Variants in RESF1 observed in about 807,000 individuals in gnomAD.
RESF1 encodes the protein retroelement silencing factor 1.
Under a neutral mutation model 134.7 loss-of-function variants are expected in RESF1, and 65 were observed. The observed-to-expected ratio is 0.48, with a 90% CI of 0.40 to 0.59. RESF1 has a LOEUF of 0.59. Ranked by LOEUF, RESF1 falls within the 20% of genes least tolerant of loss-of-function variation. The probability of loss-of-function intolerance (pLI) is 0.00; values close to 1 mark genes in which losing one functional copy is unlikely to be tolerated. For synonymous variants in RESF1, 762 were observed against 702.2 expected, an observed-to-expected ratio of 1.09 and a Z score of -1.35; for missense variants, 2,274 against 2,002.7, an observed-to-expected ratio of 1.14 and a Z score of -2.59.
At position 31,984,926 on chromosome 12, in the gene RESF1, A is replaced by C. The variant is rs1446054968; in HGVS notation, c.3971A>C (p.Lys1324Thr). Reference sequence around the variant, plus strand: ...CAAGCTTCTCAGGAAACCCGACAGAAGAAACATGTAACACAGAACTCACGT... The same window carrying C: ...CAAGCTTCTCAGGAAACCCGACAGACGAAACATGTAACACAGAACTCACGT... The part of the protein sequence containing the change: ...YEQASQETRQ[K>T]KHVTQNSRPL... Residue 1324 changes from lysine (K) to threonine (T), a missense_variant, in exon 4 of 6, where the codon AAG becomes ACG. Coordinates refer to ENST00000312561, the MANE Select transcript of RESF1 (RefSeq NM_018169.4). The C allele has an allele frequency of 2.5e-6, 4 of 1,613,268 alleles. No homozygotes were observed. In the South Asian group the frequency reaches 4.4e-5, roughly 18 times the overall value.
Position 31,983,233 on chromosome 12 carries a change from A to G in RESF1, c.2278A>G (p.Ile760Val). ...TATAACAAAGGGAACAGAACTTCAG[A>G]TAGCTGTAGTGTCACCGTTAGTTCT... ...INITKGTELQ[I>V]AVVSPLVLSE... The change falls in exon 4 of 6, where the codon ATA becomes GTA. Residue 760 changes from isoleucine (I) to valine (V), a missense_variant. Coordinates refer to ENST00000312561, the MANE Select transcript of RESF1 (RefSeq NM_018169.4). 1 of 1,609,514 alleles carries G rather than the reference A, an allele frequency of 6.2e-7. No homozygotes were observed. Among genetic ancestry groups the G allele is most frequent in the Non-Finnish European group, 8.5e-7 (1 of 1,178,124 alleles).
In RESF1 at chr12:31,984,375, CACAGAAGTAGTT is replaced by C. The variant is rs768714230; in HGVS notation, c.3422_3433del (p.Thr1141_Val1144del). 25 of 1,614,136 alleles carry C rather than the reference CACAGAAGTAGTT, an allele frequency of 1.5e-5. 1 individual carries two copies. In the South Asian group the frequency reaches 2.7e-4, roughly 18 times the overall value. On this transcript the variant is annotated inframe_deletion, in exon 4 of 6. Transcript: ENST00000312561. ...CAGAACCTCAGAAAGAAGAGCCCAT[CACAGAAGTAGTT>C]AGCCAGTGTGACCTGCAGGCACCTG...
Position 31,981,523 on chromosome 12 carries a change from T to G in RESF1, c.568T>G (p.Phe190Val), listed in dbSNP as rs950484898. 6.2e-7 allele frequency: 1 copy of G among 1,614,080 alleles called. No individual in the cohort carries two copies. The highest frequency in any genetic ancestry group is 8.5e-7 in the Non-Finnish European group (1 of 1,179,944). The change falls in exon 4 of 6, where the codon TTT becomes GTT. Residue 190 changes from phenylalanine (F) to valine (V), a missense_variant. Transcript: ENST00000312561. ...YQGNQGLNQS[F>V]SEQQVDWTQQ... ...AGGAAATCAGGGACTTAACCAGTCT[T>G]TTTCAGAGCAACAGGTTGATTGGAC...
At chr12:31,989,813 C>G (rs1940058586) in intron 5 of RESF1, among the ~76,000 whole-genome samples, 1 of 152,156 alleles carries the variant, frequency 6.6e-6, no homozygotes, top group African/African-American at 2.4e-5. Flanking sequence ...GATCGGACCA[C>G]TGCACTCCAG....
At position 31,985,588 on chromosome 12, in the gene RESF1, C is replaced by T. The variant is rs1437878476; in HGVS notation, c.4633C>T (p.Pro1545Ser). 5.0e-6 allele frequency: 8 copies of T among 1,602,834 alleles called. No homozygotes were observed. The African/African-American group carries it at 9.5e-5, about 19-fold the overall frequency. ...TAAAGAAAAAGTTGGTGGGAAGCAG[C>T]CTGATAAAATATGGATTGATAAGAC... is the stretch of plus-strand genomic sequence containing the variant. The part of the protein sequence containing the change: ...NVKEKVGGKQ[P>S]DKIWIDKTKL... Residue 1545 changes from proline (P) to serine (S), a missense_variant, in exon 4 of 6, where the codon CCT (proline) becomes TCT (serine). By Grantham distance (74) the Pro-to-Ser change is moderately conservative (BLOSUM62 -1). Transcript: ENST00000312561.
rs1272163464 is a variant in RESF1, at chr12:31,981,429, A to G, written c.474A>G (p.Thr158=). The change falls in exon 4 of 6, where the codon ACA becomes ACG. Residue 158 remains threonine, a synonymous_variant. Transcript: ENST00000312561. ...CGGCACTACAGAGTCAACTGATAAC[A>G]TCAGATACCTATTCTATGCAAATGC... The part of the protein sequence containing the change: ...NMPALQSQLI[T]SDTYSMQMQM... 1.9e-6 allele frequency: 3 copies of G among 1,614,010 alleles called. No individual in the cohort carries two copies. Among genetic ancestry groups the G allele is most frequent in the African/African-American group, 1.3e-5 (1 of 74,938 alleles).
chr12:31,987,087 A>G (rs1939989907), intron 4 of RESF1, 152 bp from the exon 5 acceptor site: 2 of 560,702 alleles, frequency 3.6e-6, no homozygotes, highest in Non-Finnish European at 6.4e-6. Flanking sequence ...AATAGAAATC[A>G]TTTTTCCAGT....
intron 3 of RESF1, among the ~76,000 whole-genome samples, chr12:31,970,935 G>C (rs2120792808): frequency 1.3e-5 from 2 of 152,192 alleles, no homozygotes; most frequent in Middle Eastern, 6.8e-3. Flanking sequence ...GAACTCTGTT[G>C]GTATGTCTTC....
chr12:31,990,942 T>A (rs1940081530), intron 5 of RESF1, among the ~76,000 whole-genome samples: 1 of 152,168 alleles, frequency 6.6e-6, no homozygotes, highest in South Asian at 2.1e-4. Flanking sequence ...ATGTGTGTCA[T>A]CCCAGCACTT....
chr12:31,986,871 G>A (rs980616146), intron 4 of RESF1, among the ~76,000 whole-genome samples: 34 of 152,274 alleles, frequency 2.2e-4, no homozygotes, highest in Non-Finnish European at 4.4e-5. Flanking sequence ...TAAAAAATTG[G>A]TGATTTCAAT....
rs1413934625 is a variant in RESF1 at position 31,981,645 on chromosome 12, C to T, written c.690C>T (p.Thr230=). The T allele has an allele frequency of 2.5e-6, 4 of 1,613,976 alleles. No individual in the cohort carries two copies. Among genetic ancestry groups the T allele is most frequent in the Admixed American group, 1.7e-5 (1 of 60,014 alleles). ...YSPQSFLPDS[T]IQKQNFIPHT... ...CACAAAGCTTTTTACCAGATTCTACCATTCAAAAACAAAACTTTATACCAC... is the reference window on the plus strand; with the variant it reads ...CACAAAGCTTTTTACCAGATTCTACTATTCAAAAACAAAACTTTATACCAC... Residue 230 remains threonine (T), a synonymous_variant, in exon 4 of 6, where the codon ACC becomes ACT. Transcript: ENST00000312561.
chr12:31,972,833 T>C (rs948735291), intron 3 of RESF1, among the ~76,000 whole-genome samples: 4 of 152,180 alleles, frequency 2.6e-5, no homozygotes, highest in African/African-American at 9.7e-5. Context: ...GAATTGTTTA[T>C]ATAAAAATGT....
At chr12:31,991,605 C>T (rs147532509) in intron 5 of RESF1, among the ~76,000 whole-genome samples, 4 of 149,324 alleles carry the variant, frequency 2.7e-5, no homozygotes, top group Admixed American at 6.7e-5. Flanking sequence ...CATACCCATA[C>T]AGCAATTCTG....
chr12:31,989,534 A>C (rs1940052676), intron 5 of RESF1, among the ~76,000 whole-genome samples: 1 of 151,946 alleles, frequency 6.6e-6, no homozygotes, highest in African/African-American at 2.4e-5. Flanking sequence ...AGCTTCAAAC[A>C]AATACTTAGA....
At chr12:31,964,142 T>A (rs970412033) in intron 2 of RESF1, among the ~76,000 whole-genome samples, 7 of 152,236 alleles carry the variant, frequency 4.6e-5, no homozygotes, top group Non-Finnish European at 8.8e-5. Context: ...TTTATTTAAC[T>A]TTTGTTTTAT....
rs1459166738 is a variant in RESF1 at position 31,982,203 on chromosome 12, CAAT to C, written c.1251_1253del (p.Asn417del). 2.5e-6 allele frequency: 4 copies of C among 1,611,492 alleles called. No individual in the cohort carries two copies. In the African/African-American group the frequency reaches 4.0e-5, roughly 16 times the overall value. ...CAGAACTTGCAAGGAAAATTAAAAT[CAAT>C]AAAGATCTTTTGATGGCAGCAGGTT... On this transcript the variant is annotated inframe_deletion, in exon 4 of 6. Transcript: ENST00000312561.
In RESF1 at chr12:31,992,624, G is replaced by A. The variant is rs1207323884; in HGVS notation, c.*89G>A. The A allele has an allele frequency of 6.3e-6, 8 of 1,273,108 alleles. No homozygotes were observed. Among genetic ancestry groups the A allele is most frequent in the African/African-American group, 3.0e-5 (2 of 66,566 alleles). 78.9% of individuals were successfully genotyped at this position (1,273,108 alleles called of 1,614,324 possible). A position where few individuals can be genotyped will look rare whatever the true frequency, so the allele number is the denominator to read the frequency against. ...CGCTGAAACTAATGAGAAATGCCAT[G>A]ATAAAGATTTCTCAGAGTTTGGTTC... On this transcript the variant is annotated 3_prime_UTR_variant, in exon 6 of 6. Transcript: ENST00000312561.
At chr12:31,961,562 T>C (rs1939270225) in intron 2 of RESF1, among the ~76,000 whole-genome samples, 1 of 152,214 alleles carries the variant, frequency 6.6e-6, no homozygotes, top group South Asian at 2.1e-4. Context: ...TTAGAGGAAA[T>C]AGATTTTGTG....
At chr12:31,979,137 G>T (rs913481980) in intron 3 of RESF1, among the ~76,000 whole-genome samples, 1 of 152,014 alleles carries the variant, frequency 6.6e-6, no homozygotes, top group Non-Finnish European at 1.5e-5. Context: ...AGCCAGGATG[G>T]TCTCGATCTC....
Sources: gnomAD v4.1 joint callset for allele counts (sites outside exome capture counted in the v4.1 genomes callset) on GRCh38, gnomAD v4.1.1 for gene constraint, MANE v1.5 for transcripts, NCBI Gene and HGNC (gene_info 2026-07-23, HGNC 2026-07-21) for gene names.